Variants in DNAH8 observed in about 807,000 individuals in gnomAD.
DNAH8 encodes the protein axonemal beta dynein heavy chain 8.
A neutral mutation model predicts 562.1 loss-of-function variants in DNAH8; 382 were observed. The ratio of observed to expected loss-of-function variants is 0.68; its 90% CI spans 0.63 to 0.74. DNAH8 has a LOEUF of 0.74. Ranked by LOEUF, DNAH8 falls within the 30% of genes least tolerant of loss-of-function variation. DNAH8 has a pLI of 0.00. For missense variants in DNAH8, 5,203 were observed against 5,620.4 expected (o/e 0.93, Z 2.37); for synonymous variants, 1,881 against 1,919.4 (o/e 0.98, Z 0.52).
At chr6:38,745,606 A>T (rs1471379819) in intron 8 of DNAH8, among the ~76,000 whole-genome samples, 1 of 152,210 alleles carries the variant, frequency 6.6e-6, no homozygotes, top group Non-Finnish European at 1.5e-5. Flanking sequence ...ATGATGCTAC[A>T]CACAATTTAT....
At chr6:38,898,036 A>C (rs1267921608) in intron 60 of DNAH8, among the ~76,000 whole-genome samples, 2 of 152,170 alleles carry the variant, frequency 1.3e-5, no homozygotes, top group Non-Finnish European at 2.9e-5. Flanking sequence ...GAAAGGTCAG[A>C]AATGATTTTG....
intron 3 of DNAH8, 70 bp from the exon 4 acceptor site, chr6:38,729,829 ATCT>A (rs1387097478): frequency 2.5e-6 from 2 of 794,490 alleles, no homozygotes; most frequent in East Asian, 2.7e-5. Flanking sequence ...TTTGAGCTTC[ATCT>A]TCTTCATCTG....
chr6:38,916,796 A>G (rs1427547343), intron 68 of DNAH8, among the ~76,000 whole-genome samples: 5 of 152,198 alleles, frequency 3.3e-5, no homozygotes, highest in Non-Finnish European at 7.3e-5. Flanking sequence ...CATATATTAC[A>G]GTAATTTTCT....
At chr6:38,751,675 T>G (rs545601885) in intron 9 of DNAH8, among the ~76,000 whole-genome samples, 1 of 152,354 alleles carries the variant, frequency 6.6e-6, no homozygotes, top group East Asian at 1.9e-4. Context: ...TGCTTTTATT[T>G]TTTAGAAGTT....
At chr6:38,992,371 A>T (rs73412428) in intron 88 of DNAH8, among the ~76,000 whole-genome samples, 59 of 152,310 alleles carry the variant, frequency 3.9e-4, no homozygotes, top group African/African-American at 1.4e-3. Context: ...TCACTGCTGC[A>T]TCCCTTGTGC....
chr6:38,756,128 C>A (rs1352594230), intron 10 of DNAH8, 49 bp downstream of exon 10: 1 of 1,167,588 alleles, frequency 8.6e-7, no homozygotes, highest in Non-Finnish European at 1.3e-6. Context: ...AAAAAGTTAG[C>A]AAATCTTTCC....
rs117791049 is a variant in DNAH8, at chr6:38,747,130, G to A, written c.1294-3346G>A. Among the ~76,000 whole-genome samples, 26 of 152,200 alleles carry A rather than the reference G, an allele frequency of 1.7e-4. 1 individual carries two copies. In the East Asian group the frequency reaches 5.0e-3, roughly 29 times the overall value. ...TTATTGTGTGCTTACTATGTGCCAA[G>A]CGTTGTGTTCAGTATCTTACCTATA... On this transcript the variant is annotated intron_variant, in intron 8 of 92. Coordinates refer to ENST00000327475, the MANE Select transcript of DNAH8 (RefSeq NM_001206927.2).
At chr6:38,863,156 G>A (rs1776768213) in intron 44 of DNAH8, among the ~76,000 whole-genome samples, 2 of 152,114 alleles carry the variant, frequency 1.3e-5, no homozygotes, top group Admixed American at 1.3e-4. Context: ...CAAACTCCCG[G>A]CCGGGCACGG....
chr6:39,022,238 T>C (rs1020012082), intron 91 of DNAH8, among the ~76,000 whole-genome samples: 2 of 152,162 alleles, frequency 1.3e-5, no homozygotes, highest in African/African-American at 2.4e-5. Context: ...CTTCTCTTTA[T>C]AAAGTAAGCT....
rs371568318 is a variant in DNAH8 at position 38,854,025 on chromosome 6, C to CGTGTGTGTGT, written c.5733+683_5733+692dup. ...TGGGGACCATCTGTGTGTAAGTGCA[C>CGTGTGTGTGT]GTGTGTGTGTGTGTATATATATATG... On this transcript the variant is annotated intron_variant, in intron 41 of 92. Coordinates refer to ENST00000327475, the MANE Select transcript of DNAH8 (RefSeq NM_001206927.2). 4.7e-3 allele frequency among the ~76,000 whole-genome samples: 704 copies of CGTGTGTGTGT among 150,200 alleles called. 5 individuals carry two copies. The highest frequency in any genetic ancestry group is 0.017 in the African/African-American group (684 of 40,872).
In DNAH8 at chr6:39,008,693, C is replaced by CTT. The variant is rs34058863; in HGVS notation, c.13215-108_13215-107dup. 142,989 of 364,504 alleles carry CTT rather than the reference C, an allele frequency of 0.39. 18,991 individuals are homozygous for CTT. Among genetic ancestry groups the CTT allele is most frequent in the Admixed American group, 0.47 (10,156 of 21,392 alleles). The allele number at this position is 364,504 out of a possible 1,614,324, so 22.6% of individuals were successfully genotyped here. A position where few individuals can be genotyped will look rare whatever the true frequency, so the allele number is the denominator to read the frequency against. ...AGGTTGATGGTAGTTAACTTTTCTT[C>CTT]TTTTTTTTTTTTTTGTAGCTTGCTT... On this transcript the variant is annotated intron_variant, in intron 88 of 92. Transcript: ENST00000327475.
At chr6:38,750,432 T>A (rs770519422) in intron 8 of DNAH8, 44 bp from the exon 9 acceptor site, 1 of 1,327,134 alleles carries the variant, frequency 7.5e-7, no homozygotes, top group Non-Finnish European at 1.1e-6. Context: ...AGCACACTGA[T>A]ATATTTGGAT....
At chr6:38,965,497 T>A (rs1332425512) in intron 82 of DNAH8, among the ~76,000 whole-genome samples, 1 of 152,188 alleles carries the variant, frequency 6.6e-6, no homozygotes, top group Non-Finnish European at 1.5e-5. Context: ...CCTTTTAATG[T>A]GAACATATAT....
intron 8 of DNAH8, chr6:38,744,315 T>C (rs769922872): frequency 6.6e-6 from 1 of 152,054 alleles, no homozygotes; most frequent in Non-Finnish European, 1.5e-5. Context: ...CTTGTGCTGA[T>C]CAATAGTGGG....
intron 89 of DNAH8, 90 bp from the exon 90 acceptor site, chr6:39,012,125 G>A (rs1444288599): frequency 6.3e-6 from 6 of 956,418 alleles, no homozygotes; most frequent in Non-Finnish European, 9.3e-6. Context: ...TACATCTAGA[G>A]GAAGAAAAAG....
chr6:38,940,920 A>T (rs1783400619), intron 79 of DNAH8, among the ~76,000 whole-genome samples: 1 of 51,936 alleles, frequency 1.9e-5, no homozygotes, highest in Admixed American at 2.0e-4. Context: ...GATCGAGACC[A>T]TCCTGGTCAC....
At chr6:38,902,124 G>A (rs976076378) in intron 62 of DNAH8, among the ~76,000 whole-genome samples, 3 of 152,140 alleles carry the variant, frequency 2.0e-5, no homozygotes, top group Admixed American at 6.5e-5. Context: ...TAGGAATGAC[G>A]GAGGCTTAAA....
chr6:38,882,923 C>A lies in DNAH8; in HGVS notation c.7872C>A (p.His2624Gln). 1 of 1,582,954 alleles carries A rather than the reference C, an allele frequency of 6.3e-7. No individual in the cohort carries two copies. Among genetic ancestry groups the A allele is most frequent in the Non-Finnish European group, 8.6e-7 (1 of 1,168,060 alleles). Residue 2624 changes from histidine to glutamine, a missense_variant, in exon 54 of 93, where the codon CAC (histidine) becomes CAA (glutamine). His to Gln is a conservative substitution (Grantham distance 24, BLOSUM62 0). Coordinates refer to ENST00000327475, the MANE Select transcript of DNAH8 (RefSeq NM_001206927.2). ...FYVTDYGDWEHWNKKLQPYYY... is the reference protein window; with the variant it reads ...FYVTDYGDWEQWNKKLQPYYY... ...CTTATTATATAGGTGATTGGGAGCA[C>A]TGGAATAAGAAACTTCAGCCTTATT...
chr6:38,874,509 A>G (rs1409846844), intron 52 of DNAH8, among the ~76,000 whole-genome samples: 1 of 151,202 alleles, frequency 6.6e-6, no homozygotes, highest in Non-Finnish European at 1.5e-5. Context: ...TGTTGGGGCT[A>G]CAGGCACACA....
Sources: gnomAD v4.1 joint callset for allele counts (sites outside exome capture counted in the v4.1 genomes callset) on GRCh38, gnomAD v4.1.1 for gene constraint, MANE v1.5 for transcripts, NCBI Gene and HGNC (gene_info 2026-07-23, HGNC 2026-07-21) for gene names.